The following PRKDC variants were observed in gnomAD, a reference collection of about 807,000 sequenced individuals.
PRKDC encodes the protein protein kinase, DNA-activated, catalytic subunit.
A neutral mutation model predicts 486.9 loss-of-function variants in PRKDC; 82 were observed. The ratio of observed to expected loss-of-function variants is 0.17; its 90% CI spans 0.14 to 0.20. PRKDC has a LOEUF of 0.20. Among genes scored for constraint, PRKDC ranks in the 10% least tolerant of loss-of-function variants. The probability of loss-of-function intolerance (pLI) is 1.00; values close to 1 mark genes in which losing one functional copy is unlikely to be tolerated. For missense variants in PRKDC, 4,504 were observed against 5,038.2 expected (o/e 0.89, Z 3.21); for synonymous variants, 1,895 against 1,837.0 (o/e 1.03, Z -0.81).
At chr8:47,911,311 A>G (rs1169075665) in intron 25 of PRKDC, among the ~76,000 whole-genome samples, 1 of 152,258 alleles carries the variant, frequency 6.6e-6, no homozygotes, top group East Asian at 1.9e-4. Flanking sequence ...GCTGGGTGGA[A>G]GCACAAGGGA....
intron 21 of PRKDC, among the ~76,000 whole-genome samples, chr8:47,926,623 G>A (rs1389703035): frequency 1.3e-5 from 2 of 152,118 alleles, no homozygotes; most frequent in Non-Finnish European, 2.9e-5. Flanking sequence ...GTTTAAGTCT[G>A]TGCCCCACCC....
chr8:47,910,586 T>C (rs2089881666), intron 25 of PRKDC, among the ~76,000 whole-genome samples: 1 of 152,198 alleles, frequency 6.6e-6, no homozygotes, highest in South Asian at 2.1e-4. Context: ...CAAGACTCCC[T>C]CCAGCGTGCA....
At chr8:47,903,801 CATT>C (rs1410229620) in intron 26 of PRKDC, among the ~76,000 whole-genome samples, 1 of 152,126 alleles carries the variant, frequency 6.6e-6, no homozygotes, top group Admixed American at 6.5e-5. Flanking sequence ...TTAACAGAAA[CATT>C]ATAATGAAAA....
At chr8:47,953,752 A>T (rs752152932) in intron 6 of PRKDC, 33 bp from the exon 7 acceptor site, 1 of 1,589,688 alleles carries the variant, frequency 6.3e-7, no homozygotes, top group East Asian at 2.3e-5. Context: ...ATGTCATTAC[A>T]AGAGAAAAAC....
At chr8:47,932,661 T>C (rs182307121) in intron 16 of PRKDC, among the ~76,000 whole-genome samples, 2 of 152,274 alleles carry the variant, frequency 1.3e-5, no homozygotes, top group East Asian at 3.9e-4. Context: ...GGAGTTTCCT[T>C]AACTATAAAC....
Position 47,817,374 on chromosome 8 carries a change from C to T in PRKDC, c.9557+76G>A. The T allele has an allele frequency of 6.5e-6, 7 of 1,078,896 alleles. No homozygotes were observed. The South Asian group carries it at 1.1e-4, about 16-fold the overall frequency. 66.8% of individuals were successfully genotyped at this position (1,078,896 alleles called of 1,614,324 possible). On this transcript the variant is annotated intron_variant, in intron 68 of 85. Transcript: ENST00000314191. Reference sequence around the variant, plus strand: ...GGCTCAAATCCCACATTTCTCTAAACCATGGTTTGGAAGAAAAACCATTCC... The same window carrying T: ...GGCTCAAATCCCACATTTCTCTAAATCATGGTTTGGAAGAAAAACCATTCC...
rs773506987 is a variant in PRKDC at position 47,902,746 on chromosome 8, C to T, written c.3092G>A (p.Arg1031Gln). The part of the protein sequence containing the change: ...VDSTLRDFCG[R>Q]CIREFLKWSI... Reference sequence around the variant, plus strand: ...CCATTTAAGGAATTCTCGAATACACCGACCACAAAAATCTCTTAAAGTACT... The same window carrying T: ...CCATTTAAGGAATTCTCGAATACACTGACCACAAAAATCTCTTAAAGTACT... The change falls in exon 27 of 86, where the codon CGG becomes CAG. Residue 1031 changes from arginine (R) to glutamine (Q), a missense_variant. Coordinates refer to ENST00000314191, the MANE Select transcript of PRKDC (RefSeq NM_006904.7). 2.2e-5 allele frequency: 36 copies of T among 1,613,298 alleles called. No homozygotes were observed. Among genetic ancestry groups the T allele is most frequent in the Middle Eastern group, 1.6e-4 (1 of 6,076 alleles).
chr8:47,825,568 C>CA (rs1002824941), intron 63 of PRKDC, among the ~76,000 whole-genome samples: 2 of 136,228 alleles, frequency 1.5e-5, no homozygotes, highest in Non-Finnish European at 3.1e-5. Context: ...GCAAGGAATG[C>CA]AAAAATATCA....
intron 73 of PRKDC, among the ~76,000 whole-genome samples, chr8:47,796,274 A>G (rs1410297712): frequency 6.6e-6 from 1 of 151,776 alleles, no homozygotes; most frequent in African/African-American, 2.4e-5. Flanking sequence ...ATCTTTTAAA[A>G]TCACTGTCGA....
chr8:47,958,394 T>C (rs1589821631), intron 1 of PRKDC, among the ~76,000 whole-genome samples: 1 of 152,196 alleles, frequency 6.6e-6, no homozygotes, highest in Non-Finnish European at 1.5e-5. Flanking sequence ...GAGACCTGTG[T>C]GGGATTCTGA....
chr8:47,932,561 G>GA, intron 16 of PRKDC, among the ~76,000 whole-genome samples: 1 of 151,932 alleles, frequency 6.6e-6, no homozygotes, highest in East Asian at 1.9e-4. Flanking sequence ...AATTGGGTGT[G>GA]AAAAAAAGGG....
rs144280365 is a variant in PRKDC at position 47,871,015 on chromosome 8, G to T, written c.5364-6252C>A. ...AAAGAATTAATGAACATGTAGGCAG[G>T]CTATTTGAAAATACACAGAGGGGAC... is the stretch of plus-strand genomic sequence containing the variant. On this transcript the variant is annotated intron_variant, in intron 40 of 85. Coordinates refer to ENST00000314191, the MANE Select transcript of PRKDC (RefSeq NM_006904.7). Among the ~76,000 whole-genome samples the T allele has an allele frequency of 5.8e-3, 888 of 152,214 alleles. 8 individuals are homozygous for T. Among genetic ancestry groups the T allele is most frequent in the Non-Finnish European group, 1.0e-2 (678 of 68,016 alleles).
intron 24 of PRKDC, 87 bp downstream of exon 24, chr8:47,913,814 G>C: frequency 8.0e-7 from 1 of 1,254,298 alleles, no homozygotes; most frequent in Non-Finnish European, 1.1e-6. Flanking sequence ...TATTGGAATG[G>C]CTGAAACATG....
At chr8:47,829,445 T>C (rs978417359) in intron 61 of PRKDC, among the ~76,000 whole-genome samples, 1 of 152,204 alleles carries the variant, frequency 6.6e-6, no homozygotes, top group African/African-American at 2.4e-5. Flanking sequence ...AAGTTTACTG[T>C]GAAATTCTAC....
chr8:47,820,242 G>T (rs1305765249), intron 66 of PRKDC, among the ~76,000 whole-genome samples: 2 of 151,882 alleles, frequency 1.3e-5, no homozygotes, highest in African/African-American at 4.8e-5. Flanking sequence ...GTTAAACCTC[G>T]TCTCTACTAA....
intron 19 of PRKDC, 69 bp downstream of exon 19, chr8:47,929,023 G>A: frequency 8.4e-7 from 1 of 1,183,872 alleles, no homozygotes; most frequent in East Asian, 2.6e-5. Flanking sequence ...TGATCACTAG[G>A]ATTTTTTCAA....
chr8:47,944,339 A>G (rs1313840347), intron 7 of PRKDC, among the ~76,000 whole-genome samples: 1 of 152,086 alleles, frequency 6.6e-6, no homozygotes, highest in African/African-American at 2.4e-5. Flanking sequence ...CAGAGCCTCA[A>G]TTTTCTTATT....
intron 64 of PRKDC, among the ~76,000 whole-genome samples, chr8:47,822,748 C>T (rs2087632058): frequency 6.6e-6 from 1 of 152,108 alleles, no homozygotes. Flanking sequence ...CCAGATTGCG[C>T]CACTGCACTC....
At chr8:47,893,023 G>T in intron 31 of PRKDC, 116 bp downstream of exon 31, 1 of 1,245,560 alleles carries the variant, frequency 8.0e-7, no homozygotes, top group Non-Finnish European at 1.1e-6. Context: ...GAAAGCACGG[G>T]CAAGGTGGTG....
Sources: gnomAD v4.1 joint callset for allele counts (sites outside exome capture counted in the v4.1 genomes callset) on GRCh38, gnomAD v4.1.1 for gene constraint, MANE v1.5 for transcripts, NCBI Gene and HGNC (gene_info 2026-07-23, HGNC 2026-07-21) for gene names.